Variants in NINL observed in about 807,000 individuals in gnomAD.
NINL encodes the protein ninein-like protein.
NINL carries 153 observed loss-of-function variants against 160.3 expected under a neutral mutation model. The observed-to-expected ratio is 0.95, with a 90% CI of 0.84 to 1.09. The LOEUF (loss-of-function observed/expected upper bound fraction) is 1.09. Ranked by LOEUF, NINL falls within the 50% of genes least tolerant of loss-of-function variation. The pLI, the probability that NINL is intolerant of heterozygous loss-of-function variation, is 0.00. For missense variants in NINL, 1,829 were observed against 1,764.0 expected (o/e 1.04, Z -0.66); for synonymous variants, 800 against 734.8 (o/e 1.09, Z -1.43).
intron 1 of NINL, among the ~76,000 whole-genome samples, chr20:25,565,280 AC>A (rs1311084580): frequency 3.3e-5 from 5 of 149,274 alleles, no homozygotes; most frequent in Admixed American, 6.7e-5. Context: ...CTTTATCAGA[AC>A]CTTATCTGGC....
chr20:25,529,030 T>C (rs73337303), intron 1 of NINL, among the ~76,000 whole-genome samples: 3,128 of 151,940 alleles, frequency 0.021, 112 homozygotes, highest in African/African-American at 0.069. Context: ...GTATGAGGAG[T>C]TGAAAATCTG....
chr20:25,490,136 G>T, intron 11 of NINL, 151 bp from the exon 12 acceptor site: 1 of 711,888 alleles, frequency 1.4e-6, no homozygotes, highest in Non-Finnish European at 2.4e-6. Context: ...TGTGCAGGCG[G>T]CTGTGCCGGG....
intron 1 of NINL, among the ~76,000 whole-genome samples, chr20:25,582,039 C>T (rs147808417): frequency 0.013 from 2,047 of 152,174 alleles, 44 homozygotes; most frequent in African/African-American, 0.043. Context: ...GGGTGGATCA[C>T]GAGGTCAGGA....
intron 16 of NINL, 132 bp downstream of exon 16, chr20:25,478,791 A>G (rs2063322076): frequency 5.2e-6 from 5 of 968,492 alleles, no homozygotes; most frequent in Non-Finnish European, 6.0e-6. Context: ...TTTGGCACTC[A>G]CCCATCTGCC....
chr20:25,496,639 CCA>C (rs1384700349), intron 10 of NINL, 22 bp downstream of exon 10: 1 of 1,602,644 alleles, frequency 6.2e-7, no homozygotes, highest in Non-Finnish European at 8.5e-7. Flanking sequence ...AGGTAAGAAT[CCA>C]CCACCTGGGC....
chr20:25,483,034 AAAAT>A (rs1353391821), intron 13 of NINL, among the ~76,000 whole-genome samples: 4 of 150,446 alleles, frequency 2.7e-5, no homozygotes, highest in South Asian at 2.1e-4. Flanking sequence ...TCTCAAGAAA[AAAAT>A]AAATAAAGAA....
intron 1 of NINL, among the ~76,000 whole-genome samples, chr20:25,528,387 A>T (rs745502525): frequency 1.3e-5 from 2 of 152,208 alleles, no homozygotes; most frequent in Admixed American, 6.5e-5. Context: ...AGAAGAATAA[A>T]AACTTTATAA....
At chr20:25,575,489 G>A (rs1322336381) in intron 1 of NINL, among the ~76,000 whole-genome samples, 1 of 140,922 alleles carries the variant, frequency 7.1e-6, no homozygotes. Context: ...GTGGTGGCTT[G>A]CGCCTGTAAT....
At chr20:25,537,662 G>T (rs1337733163) in intron 1 of NINL, among the ~76,000 whole-genome samples, 3 of 152,220 alleles carry the variant, frequency 2.0e-5, no homozygotes, top group Non-Finnish European at 4.4e-5. Context: ...GGGTGACGGG[G>T]ATGCGTCATG....
At chr20:25,518,477 TTTTAACAAGAAACTAC>T (rs1324816090) in intron 2 of NINL, among the ~76,000 whole-genome samples, 17 of 152,226 alleles carry the variant, frequency 1.1e-4, no homozygotes, top group Non-Finnish European at 2.4e-4. Flanking sequence ...CCATTTTCTC[TTTTAACAAGAAACTAC>T]CCCAGCTTTC....
At chr20:25,460,729 G>A (rs750730601) in intron 21 of NINL, among the ~76,000 whole-genome samples, 11 of 152,278 alleles carry the variant, frequency 7.2e-5, no homozygotes, top group South Asian at 2.1e-4. Flanking sequence ...GCCTCAGGAC[G>A]TCTAGGGGGA....
At chr20:25,569,928 T>C (rs1415990597) in intron 1 of NINL, among the ~76,000 whole-genome samples, 2 of 151,994 alleles carry the variant, frequency 1.3e-5, no homozygotes, top group Non-Finnish European at 1.5e-5. Context: ...CTCACACTTG[T>C]AATCCCAGCA....
At chr20:25,510,988 C>T (rs1410665414) in intron 4 of NINL, among the ~76,000 whole-genome samples, 5 of 152,160 alleles carry the variant, frequency 3.3e-5, no homozygotes, top group East Asian at 1.9e-4. Context: ...TTGTTCTGCA[C>T]GCTCGGGGCT....
In NINL at chr20:25,491,485, G is replaced by A. The variant is rs375539708; in HGVS notation, c.1351C>T (p.Arg451Trp). 9.3e-6 allele frequency: 15 copies of A among 1,613,860 alleles called. No individual in the cohort carries two copies. Among genetic ancestry groups the A allele is most frequent in the Middle Eastern group, 1.6e-4 (1 of 6,084 alleles). The change falls in exon 11 of 24, where the codon CGG becomes TGG. Residue 451 changes from arginine to tryptophan, a missense_variant. Coordinates refer to ENST00000278886, the MANE Select transcript of NINL (RefSeq NM_025176.6). ...QGYRERLSLL[R>W]SEVEAERELF... ...TCTCGCTCCGCCTCCACCTCAGACCGCAGGAGGCTCAGCCTTTCCCGGTAC... is the reference window on the plus strand; with the variant it reads ...TCTCGCTCCGCCTCCACCTCAGACCACAGGAGGCTCAGCCTTTCCCGGTAC...
chr20:25,488,618 T>A (rs1167166029), intron 13 of NINL, among the ~76,000 whole-genome samples: 4 of 151,866 alleles, frequency 2.6e-5, no homozygotes, highest in Non-Finnish European at 5.9e-5. Context: ...GGTTTGAGCA[T>A]CCCGTCCTCT....
At chr20:25,505,453 A>C (rs1273123276) in intron 5 of NINL, among the ~76,000 whole-genome samples, 1 of 152,232 alleles carries the variant, frequency 6.6e-6, no homozygotes, top group African/African-American at 2.4e-5. Context: ...AAGAGAGTCT[A>C]TCTCAAGTGT....
chr20:25,465,322 AAGAAGCCTCC>A (rs2062885652), intron 19 of NINL, among the ~76,000 whole-genome samples: 1 of 152,154 alleles, frequency 6.6e-6, no homozygotes, highest in Non-Finnish European at 1.5e-5. Context: ...GTGTTGTCCA[AAGAAGCCTCC>A]AGAAGCCTCT....
At chr20:25,543,916 C>CA (rs1023119610) in intron 1 of NINL, among the ~76,000 whole-genome samples, 1 of 149,952 alleles carries the variant, frequency 6.7e-6, no homozygotes, top group African/African-American at 2.5e-5. Flanking sequence ...CGCTGCCTCC[C>CA]AAAGTGCTGG....
intron 1 of NINL, among the ~76,000 whole-genome samples, chr20:25,534,735 G>A (rs1053842681): frequency 6.6e-6 from 1 of 152,104 alleles, no homozygotes; most frequent in Admixed American, 6.5e-5. Context: ...ATCCATAGGG[G>A]GTGGTTCCAG....
Sources: gnomAD v4.1 joint callset for allele counts (sites outside exome capture counted in the v4.1 genomes callset) on GRCh38, gnomAD v4.1.1 for gene constraint, MANE v1.5 for transcripts, NCBI Gene and HGNC (gene_info 2026-07-23, HGNC 2026-07-21) for gene names.